The following SUGCT variants were observed in gnomAD, a reference collection of about 807,000 sequenced individuals.
The protein encoded by SUGCT is succinyl-CoA:glutarate-CoA transferase, also known as succinyl-CoA:glutarate CoA-transferase.
In SUGCT, 41 loss-of-function variants were observed where a neutral mutation model predicts 55.0. That is an observed-to-expected ratio of 0.74 (90% CI 0.58 to 0.97). The LOEUF (loss-of-function observed/expected upper bound fraction) is 0.97, where lower values mean the gene tolerates loss of function less well. Among genes scored for constraint, SUGCT ranks in the 50% least tolerant of loss-of-function variants. The pLI is 0.00. For missense variants in SUGCT, 568 were observed against 547.8 expected (o/e 1.04, Z -0.37); for synonymous variants, 187 against 200.4 (o/e 0.93, Z 0.56).
At chr7:40,571,563 T>C (rs1193214428) in intron 12 of SUGCT, among the ~76,000 whole-genome samples, 1 of 152,234 alleles carries the variant, frequency 6.6e-6, no homozygotes, top group African/African-American at 2.4e-5. Context: ...GGAGAAGCTG[T>C]TGCTTCTGTT....
chr7:40,663,722 C>T (rs1801457055), intron 12 of SUGCT, among the ~76,000 whole-genome samples: 1 of 152,132 alleles, frequency 6.6e-6, no homozygotes, highest in Non-Finnish European at 1.5e-5. Flanking sequence ...GCTTCAATTC[C>T]ACCCAGTCCC....
At chr7:40,216,573 C>T (rs982835474) in intron 6 of SUGCT, among the ~76,000 whole-genome samples, 12 of 150,522 alleles carry the variant, frequency 8.0e-5, no homozygotes, top group African/African-American at 2.2e-4. Flanking sequence ...GAGTGTTGGC[C>T]GGACGCAGTA....
intron 13 of SUGCT, among the ~76,000 whole-genome samples, chr7:40,775,241 C>A (rs11769562): frequency 6.6e-6 from 1 of 152,230 alleles, no homozygotes; most frequent in Non-Finnish European, 1.5e-5. Flanking sequence ...CCCATGCACA[C>A]TAATGAGCTG....
chr7:40,537,182 A>C (rs942119979), intron 12 of SUGCT, among the ~76,000 whole-genome samples: 11 of 152,162 alleles, frequency 7.2e-5, no homozygotes, highest in Admixed American at 5.2e-4. Flanking sequence ...CAGCAGTTTC[A>C]TATTGTACAC....
intron 12 of SUGCT, among the ~76,000 whole-genome samples, chr7:40,739,389 C>T (rs796493303): frequency 3.9e-5 from 6 of 152,224 alleles, no homozygotes; most frequent in African/African-American, 1.4e-4. Flanking sequence ...AGCACAATTC[C>T]CTTAAGATTG....
intron 12 of SUGCT, among the ~76,000 whole-genome samples, chr7:40,737,740 T>G (rs1237149429): frequency 6.6e-6 from 1 of 152,086 alleles, no homozygotes; most frequent in Non-Finnish European, 1.5e-5. Flanking sequence ...TGTTAAGACT[T>G]CTGGAGGAAA....
At chr7:40,497,564 A>C (rs1792051042) in intron 12 of SUGCT, among the ~76,000 whole-genome samples, 2 of 152,170 alleles carry the variant, frequency 1.3e-5, no homozygotes, top group Admixed American at 6.5e-5. Context: ...AAGGGACCCC[A>C]CACCATCAGT....
intron 9 of SUGCT, among the ~76,000 whole-genome samples, chr7:40,445,543 T>G (rs1406695571): frequency 6.6e-6 from 1 of 152,120 alleles, no homozygotes; most frequent in African/African-American, 2.4e-5. Context: ...ATCAGGCGGA[T>G]TCACAGCCAA....
chr7:40,631,186 A>G (rs950013111), intron 12 of SUGCT, among the ~76,000 whole-genome samples: 5 of 152,242 alleles, frequency 3.3e-5, no homozygotes, highest in East Asian at 1.9e-4. Context: ...CTATTGTGGC[A>G]TAAATGTATT....
At chr7:40,609,394 A>G (rs1461707044) in intron 12 of SUGCT, among the ~76,000 whole-genome samples, 1 of 151,716 alleles carries the variant, frequency 6.6e-6, no homozygotes, top group Non-Finnish European at 1.5e-5. Flanking sequence ...GTGAAACCCC[A>G]TCTCTACTAA....
intron 12 of SUGCT, among the ~76,000 whole-genome samples, chr7:40,628,708 T>C (rs946612140): frequency 1.3e-5 from 2 of 150,266 alleles, no homozygotes; most frequent in Admixed American, 1.3e-4. Flanking sequence ...ACTCAGTTTT[T>C]GGGTGTGTGT....
chr7:40,452,319 A>G (rs534292840), intron 10 of SUGCT, among the ~76,000 whole-genome samples: 2 of 152,350 alleles, frequency 1.3e-5, no homozygotes, highest in African/African-American at 4.8e-5. Context: ...GGGTATTCCT[A>G]TATGAAATAT....
intron 13 of SUGCT, among the ~76,000 whole-genome samples, chr7:40,823,720 A>G (rs1227765599): frequency 6.6e-6 from 1 of 152,092 alleles, no homozygotes; most frequent in African/African-American, 2.4e-5. Flanking sequence ...AGGAAAAATG[A>G]AAAAAAGTAT....
At chr7:40,222,357 C>T (rs76777485) in intron 6 of SUGCT, among the ~76,000 whole-genome samples, 2,664 of 152,328 alleles carry the variant, frequency 0.017, 74 homozygotes, top group African/African-American at 0.062. Flanking sequence ...TTCACTACTG[C>T]CCATACCTCT....
chr7:40,914,192 A>T, the SUGCT span, among the ~76,000 whole-genome samples: 1 of 152,078 alleles, frequency 6.6e-6, no homozygotes, highest in Non-Finnish European at 1.5e-5. Context: ...GGCTTGTCCT[A>T]AGAGTGACAC....
chr7:40,414,225 T>C (rs925989518), intron 9 of SUGCT, among the ~76,000 whole-genome samples: 1 of 152,232 alleles, frequency 6.6e-6, no homozygotes, highest in African/African-American at 2.4e-5. Flanking sequence ...AAATGTGGTC[T>C]GAATATACTA....
At chr7:40,885,613 C>A in the SUGCT span, among the ~76,000 whole-genome samples, 1 of 152,136 alleles carries the variant, frequency 6.6e-6, no homozygotes, top group South Asian at 2.1e-4. Flanking sequence ...TTCCTTTCAC[C>A]AGTCCCTGGA....
intron 9 of SUGCT, among the ~76,000 whole-genome samples, chr7:40,417,888 C>G (rs1427532797): frequency 1.2e-5 from 1 of 80,334 alleles, no homozygotes; most frequent in African/African-American, 4.7e-5. Context: ...ATTTATTACA[C>G]TTACATTTAA....
At chr7:40,890,458 C>G in the SUGCT span, among the ~76,000 whole-genome samples, 1 of 148,256 alleles carries the variant, frequency 6.7e-6, no homozygotes, top group African/African-American at 2.5e-5. Flanking sequence ...ATGCTCTTGG[C>G]TCACCCCCAT....
Sources: allele counts gnomAD v4.1 joint callset (sites outside exome capture counted in the v4.1 genomes callset), GRCh38; gene constraint gnomAD v4.1.1; transcripts MANE v1.5; gene names NCBI Gene and HGNC (gene_info 2026-07-23, HGNC 2026-07-21).